Variants in CPS1 observed in about 807,000 individuals in gnomAD.
CPS1 encodes the protein carbamoyl-phosphate synthase 1.
In CPS1, 109 loss-of-function variants were observed where a neutral mutation model predicts 174.6. That is an observed-to-expected ratio of 0.62 (90% confidence interval 0.53 to 0.73). The LOEUF (loss-of-function observed/expected upper bound fraction) is 0.73, where lower values mean the gene tolerates loss of function less well. CPS1 is among the 30% of genes least tolerant of loss of function. The pLI is 0.00. For missense variants in CPS1, 1,689 were observed against 1,821.9 expected, an observed-to-expected ratio of 0.93 and a Z score of 1.33; for synonymous variants, 637 against 632.0, an observed-to-expected ratio of 1.01 and a Z score of -0.12.
At chr2:210,642,401 G>T in intron 24 of CPS1, 83 bp from the exon 25 acceptor site, 1 of 1,498,568 alleles carries the variant, frequency 6.7e-7, no homozygotes, top group South Asian at 1.1e-5. Flanking sequence ...AGCCTGGACT[G>T]ACTGGTGATA....
chr2:210,626,768 T>A (rs1298269867), intron 21 of CPS1, among the ~76,000 whole-genome samples: 2 of 152,194 alleles, frequency 1.3e-5, no homozygotes, highest in Non-Finnish European at 2.9e-5. Flanking sequence ...CATTTTCAAC[T>A]ATATGAAGGG....
rs752631576 is a variant in CPS1, at chr2:210,647,963, T to C, written c.3242T>C (p.Leu1081Pro). Residue 1081 changes from leucine (L) to proline (P), a missense_variant, in exon 26 of 38, where the codon CTG becomes CCG. Leu to Pro is a moderately conservative substitution (Grantham distance 98). Coordinates refer to ENST00000233072, the MANE Select transcript of CPS1 (RefSeq NM_001875.5). ...GTCAAGATCATGGGCACAAGCCCCC[T>C]GCAGATCGACAGGGCTGAGGATCGC... ...NGVKIMGTSP[L>P]QIDRAEDRSI... is the part of the protein sequence containing the mutation. 16 of 1,614,096 alleles carry C rather than the reference T, an allele frequency of 9.9e-6. No homozygotes were observed. In the South Asian group the frequency reaches 1.8e-4, roughly 18 times the overall value.
intron 24 of CPS1, 24 bp downstream of exon 24, chr2:210,640,083 A>G (rs1403860605): frequency 2.9e-6 from 4 of 1,399,686 alleles, no homozygotes; most frequent in East Asian, 2.3e-5. Flanking sequence ...TTATGTGTAT[A>G]TAGGACTTTA....
intron 1 of CPS1, among the ~76,000 whole-genome samples, chr2:210,540,717 G>C (rs947905783): frequency 2.0e-5 from 3 of 152,130 alleles, no homozygotes; most frequent in African/African-American, 4.8e-5. Context: ...CACACAAATG[G>C]TAAGTGGGTA....
chr2:210,481,160 T>C (rs1039185095), intron 1 of CPS1, among the ~76,000 whole-genome samples: 3 of 152,184 alleles, frequency 2.0e-5, no homozygotes, highest in Non-Finnish European at 4.4e-5. Flanking sequence ...AAAAAGATTG[T>C]GAGTCCAGAA....
intron 1 of CPS1, among the ~76,000 whole-genome samples, chr2:210,546,148 A>C (rs1315038029): frequency 6.6e-6 from 1 of 152,060 alleles, no homozygotes; most frequent in Admixed American, 6.6e-5. Context: ...TCTGTGTTCC[A>C]GACTTATTTT....
intron 1 of CPS1, among the ~76,000 whole-genome samples, chr2:210,522,378 T>C (rs184740028): frequency 6.6e-6 from 1 of 152,184 alleles, no homozygotes; most frequent in African/African-American, 2.4e-5. Context: ...TTAAGTGTTA[T>C]TTTTAAGAAT....
chr2:210,635,475 G>A (rs1700015541), intron 21 of CPS1, among the ~76,000 whole-genome samples: 1 of 152,178 alleles, frequency 6.6e-6, no homozygotes, highest in African/African-American at 2.4e-5. Flanking sequence ...TCTGTAATCT[G>A]CACTGTCTGA....
chr2:210,579,912 G>C, intron 5 of CPS1, 142 bp downstream of exon 5: 1 of 701,408 alleles, frequency 1.4e-6, no homozygotes, highest in Non-Finnish European at 2.5e-6. Flanking sequence ...CTGGGTCTCT[G>C]TTATTTTGTT....
At chr2:210,635,012 C>T (rs1241935626) in intron 21 of CPS1, among the ~76,000 whole-genome samples, 2 of 152,114 alleles carry the variant, frequency 1.3e-5, no homozygotes, top group African/African-American at 4.8e-5. Flanking sequence ...GGCGTGATCT[C>T]GGCTCACTGC....
At chr2:210,498,824 T>A (rs1685892647) in intron 1 of CPS1, among the ~76,000 whole-genome samples, 1 of 151,958 alleles carries the variant, frequency 6.6e-6, no homozygotes. Flanking sequence ...TGGACCACAA[T>A]CTCTGCACAG....
At chr2:210,572,157 A>T (rs1473848688) in intron 1 of CPS1, among the ~76,000 whole-genome samples, 1 of 151,900 alleles carries the variant, frequency 6.6e-6, no homozygotes, top group Non-Finnish European at 1.5e-5. Flanking sequence ...CTTTGAAGGA[A>T]ATCTCAGATA....
At chr2:210,659,723 AATTTGTAGAAAACT>A (rs1226112553) in intron 31 of CPS1, among the ~76,000 whole-genome samples, 1 of 152,200 alleles carries the variant, frequency 6.6e-6, no homozygotes, top group Non-Finnish European at 1.5e-5. Context: ...GAAGAAGGTA[AATTTGTAGAAAACT>A]ATAAAGTAGA....
rs373273939 is a variant in CPS1, at chr2:210,678,014, A to G, written c.*29A>G. 1.8e-5 allele frequency: 27 copies of G among 1,507,746 alleles called. No individual in the cohort carries two copies. The highest frequency in any genetic ancestry group is 2.5e-5 in the Non-Finnish European group (27 of 1,083,070). 93.4% of individuals were successfully genotyped at this position (1,507,746 alleles called of 1,614,324 possible). A position where few individuals can be genotyped will look rare whatever the true frequency, so the allele number is the denominator to read the frequency against. On this transcript the variant is annotated 3_prime_UTR_variant, in exon 38 of 38. Transcript: ENST00000233072. ...TGCAGACACCCCAGCCCCATTATTA[A>G]ATCAACCTGAGCCACATGTTATCTA...
Position 210,594,518 on chromosome 2 carries a change from A to T in CPS1, c.1175A>T (p.Asp392Val). The T allele has an allele frequency of 6.2e-7, 1 of 1,609,946 alleles. No homozygotes were observed. Among genetic ancestry groups the T allele is most frequent in the Non-Finnish European group, 8.5e-7 (1 of 1,177,272 alleles). ...TGTATTTTTTTCTAGTACCTGTTTG[A>T]TTCCTTTTTCTCACTGATAAAGAAA... Reference protein sequence around the residue: ...PGPIDTEYLFDSFFSLIKKGK... With the variant: ...PGPIDTEYLFVSFFSLIKKGK... Residue 392 changes from aspartate to valine, a missense_variant, in exon 12 of 38, where the codon GAT becomes GTT. Transcript: ENST00000233072.
chr2:210,535,636 A>G (rs145872440), intron 1 of CPS1, among the ~76,000 whole-genome samples: 129 of 152,276 alleles, frequency 8.5e-4, no homozygotes, highest in African/African-American at 2.9e-3. Flanking sequence ...TGATGTATTT[A>G]CCATCTCCTC....
At chr2:210,507,279 G>A (rs1695314636) in intron 1 of CPS1, among the ~76,000 whole-genome samples, 1 of 152,136 alleles carries the variant, frequency 6.6e-6, no homozygotes, top group Non-Finnish European at 1.5e-5. Flanking sequence ...GTGAAACTAA[G>A]CTTCATAAGT....
At chr2:210,602,352 A>G (rs767709814) in intron 16 of CPS1, 22 bp downstream of exon 16, 1 of 1,612,128 alleles carries the variant, frequency 6.2e-7, no homozygotes, top group Non-Finnish European at 8.5e-7. Flanking sequence ...TGTAGACAAT[A>G]TTCTTACCAA....
intron 21 of CPS1, among the ~76,000 whole-genome samples, chr2:210,630,885 G>A (rs1699845281): frequency 6.6e-6 from 1 of 152,146 alleles, no homozygotes. Context: ...AAAATAATAA[G>A]TGAAGCAGTA....
Sources: allele counts gnomAD v4.1 joint callset (sites outside exome capture counted in the v4.1 genomes callset), GRCh38; gene constraint gnomAD v4.1.1; transcripts MANE v1.5; gene names NCBI Gene and HGNC (gene_info 2026-07-23, HGNC 2026-07-21).